The following CPE variants were observed in gnomAD, a reference collection of about 807,000 sequenced individuals.
CPE encodes the protein carbocypeptidase E.
In CPE, 17 loss-of-function variants were observed where a neutral mutation model predicts 53.5. That is an observed-to-expected ratio of 0.32 (90% CI 0.22 to 0.48). The LOEUF (loss-of-function observed/expected upper bound fraction) is 0.48. Ranked by LOEUF, CPE falls within the 20% of genes least tolerant of loss-of-function variation. The pLI is 0.99. For missense variants in CPE, 524 were observed against 614.7 expected (o/e 0.85, Z 1.56); for synonymous variants, 226 against 228.8 (o/e 0.99, Z 0.11).
chr4:165,389,382 A>G (rs1245757684), intron 1 of CPE, among the ~76,000 whole-genome samples: 4 of 151,924 alleles, frequency 2.6e-5, no homozygotes, highest in Non-Finnish European at 2.9e-5. Context: ...AGGAATTGAG[A>G]GTTTTTTCTT....
chr4:165,388,187 T>C (rs1374646067), intron 1 of CPE, among the ~76,000 whole-genome samples: 1 of 152,156 alleles, frequency 6.6e-6, no homozygotes, highest in Non-Finnish European at 1.5e-5. Flanking sequence ...CTGCTCAAAA[T>C]TTGCACAAAT....
At chr4:165,453,103 G>A (rs912919947) in intron 1 of CPE, among the ~76,000 whole-genome samples, 4 of 151,938 alleles carry the variant, frequency 2.6e-5, no homozygotes, top group African/African-American at 9.7e-5. Context: ...GGGACTATAG[G>A]CATGTGCCAC....
At chr4:165,388,871 T>A (rs1469110207) in intron 1 of CPE, among the ~76,000 whole-genome samples, 1 of 152,224 alleles carries the variant, frequency 6.6e-6, no homozygotes, top group African/African-American at 2.4e-5. Flanking sequence ...CAGCACAGAT[T>A]TTTTTTCTTT....
chr4:165,424,403 T>C (rs978314795), intron 1 of CPE, among the ~76,000 whole-genome samples: 1 of 136,656 alleles, frequency 7.3e-6, no homozygotes, highest in African/African-American at 2.7e-5. Flanking sequence ...AAAATATAAA[T>C]GACTTATATT....
chr4:165,379,584 G>A lies in CPE; in HGVS notation c.307+56G>A. On this transcript the variant is annotated intron_variant, in intron 1 of 8. Coordinates refer to ENST00000402744, the MANE Select transcript of CPE (RefSeq NM_001873.4). The surrounding 1 kb of genome is among the most constrained non-coding windows in gnomAD (Gnocchi z 6.0). The stretch of plus-strand genomic sequence containing the variant: ...GGCATCCCGGAGGGGGGCGGCAGAG[G>A]GTGGGACTGGTGGCGGTGGGGGAAG... 7.2e-7 allele frequency: 1 copy of A among 1,387,088 alleles called. No individual in the cohort carries two copies. Among genetic ancestry groups the A allele is most frequent in the Non-Finnish European group, 9.5e-7 (1 of 1,049,114 alleles). The allele number at this position is 1,387,088 out of a possible 1,614,324, so 85.9% of individuals were successfully genotyped here. A position where few individuals can be genotyped will look rare whatever the true frequency, so the allele number is the denominator to read the frequency against.
At chr4:165,386,777 T>C (rs1009863669) in intron 1 of CPE, among the ~76,000 whole-genome samples, 1 of 152,246 alleles carries the variant, frequency 6.6e-6, no homozygotes, top group African/African-American at 2.4e-5. Flanking sequence ...AGCATTTATT[T>C]AGTAAAATTT....
intron 3 of CPE, among the ~76,000 whole-genome samples, chr4:165,468,130 T>G (rs1399674948): frequency 1.3e-5 from 2 of 152,146 alleles, no homozygotes; most frequent in Admixed American, 1.3e-4. Context: ...CAGAGACCCT[T>G]TATTAGCTCA....
At chr4:165,435,528 G>A (rs965609153) in intron 1 of CPE, among the ~76,000 whole-genome samples, 23 of 152,132 alleles carry the variant, frequency 1.5e-4, no homozygotes, top group Non-Finnish European at 3.1e-4. Context: ...GTTTTGGAAA[G>A]TAAAATAGAA....
intron 1 of CPE, among the ~76,000 whole-genome samples, chr4:165,384,475 G>C (rs66912020): frequency 0.24 from 36,693 of 152,034 alleles, 4,888 homozygotes; most frequent in African/African-American, 0.36. Flanking sequence ...AATAAAATTA[G>C]CTGGGCATGG....
intron 1 of CPE, among the ~76,000 whole-genome samples, chr4:165,401,826 G>A (rs7654329): frequency 0.49 from 73,881 of 151,956 alleles, 18,714 homozygotes; most frequent in African/African-American, 0.63. Context: ...GCAGTCTTGT[G>A]AGCATAGAAT....
chr4:165,479,121 G>T lies in CPE; in HGVS notation c.673-3121G>T, dbSNP rs113207998. ...ATAGTAAAAGAAAAACTTTTGAATA[G>T]AATATTATAGAAGAGTGTGTTAAAC... On this transcript the variant is annotated intron_variant, in intron 3 of 8. Coordinates refer to ENST00000402744, the MANE Select transcript of CPE (RefSeq NM_001873.4). Among the ~76,000 whole-genome samples, 462 of 152,246 alleles carry T rather than the reference G, an allele frequency of 3.0e-3. 2 individuals carry two copies. The highest frequency in any genetic ancestry group is 0.01 in the Middle Eastern group (3 of 294).
intron 8 of CPE, among the ~76,000 whole-genome samples, chr4:165,497,175 C>T (rs1732716542): frequency 6.6e-6 from 1 of 152,180 alleles, no homozygotes; most frequent in Non-Finnish European, 1.5e-5. Flanking sequence ...CCACCTCGAC[C>T]TCCCAAAGTG....
intron 3 of CPE, among the ~76,000 whole-genome samples, chr4:165,474,865 T>C (rs1045638231): frequency 6.6e-6 from 1 of 152,218 alleles, no homozygotes; most frequent in Non-Finnish European, 1.5e-5. Context: ...GTCTCTTTTT[T>C]CAGATTTCCT....
At chr4:165,440,274 A>G (rs1014067713) in intron 1 of CPE, among the ~76,000 whole-genome samples, 1 of 152,192 alleles carries the variant, frequency 6.6e-6, no homozygotes, top group African/African-American at 2.4e-5. Context: ...GTTCATCTTC[A>G]TTATTATAGA....
intron 1 of CPE, chr4:165,403,971 G>A (rs914023932): frequency 4.4e-5 from 28 of 631,412 alleles, no homozygotes; most frequent in African/African-American, 3.6e-5. Context: ...CTTCCTTCTC[G>A]TTACTCTGAT....
intron 3 of CPE, among the ~76,000 whole-genome samples, chr4:165,479,958 C>A (rs1732374313): frequency 6.8e-6 from 1 of 146,536 alleles, no homozygotes; most frequent in South Asian, 2.1e-4. Context: ...CTCCACTGCA[C>A]TCTAGCCTGG....
chr4:165,427,456 T>C (rs780259273), intron 1 of CPE, among the ~76,000 whole-genome samples: 2 of 152,230 alleles, frequency 1.3e-5, no homozygotes, highest in Non-Finnish European at 2.9e-5. Flanking sequence ...CCATTTTCTA[T>C]AGGTATTTGT....
intron 1 of CPE, among the ~76,000 whole-genome samples, chr4:165,387,106 A>T (rs1033452154): frequency 6.6e-6 from 1 of 152,186 alleles, no homozygotes; most frequent in African/African-American, 2.4e-5. Context: ...TTTGTAAGTG[A>T]TCTAACAGCC....
intron 3 of CPE, among the ~76,000 whole-genome samples, chr4:165,480,255 C>T (rs900876803): frequency 5.3e-5 from 8 of 152,056 alleles, no homozygotes; most frequent in African/African-American, 1.9e-4. Context: ...CTGTACCTTA[C>T]AGGAATGCAG....
Sources: gnomAD v4.1 joint callset for allele counts (sites outside exome capture counted in the v4.1 genomes callset) on GRCh38, gnomAD v4.1.1 for gene constraint, Gnocchi (gnomAD v3.1) non-coding constraint, MANE v1.5 for transcripts, NCBI Gene and HGNC (gene_info 2026-07-23, HGNC 2026-07-21) for gene names.